EVL: variants seen among roughly 807,000 people sequenced by gnomAD.
EVL encodes Enah/Vasp-like, also known as ena/VASP-like protein.
Under a neutral mutation model 59.6 loss-of-function variants are expected in EVL, and 21 were observed. That is an observed-to-expected ratio of 0.35 (90% CI 0.25 to 0.51). The LOEUF (loss-of-function observed/expected upper bound fraction) is 0.51. Ranked by LOEUF, EVL falls within the 20% of genes least tolerant of loss-of-function variation. The probability of loss-of-function intolerance (pLI) is 0.97; values close to 1 mark genes in which losing one functional copy is unlikely to be tolerated. For synonymous variants in EVL, 198 were observed against 203.5 expected (o/e 0.97, Z 0.23); for missense variants, 462 against 546.6 (o/e 0.85, Z 1.54).
At position 100,034,563 on chromosome 14, in the gene EVL, C is replaced by A. The variant is rs1003427394; in HGVS notation, c.6-50124C>A. Among the ~76,000 whole-genome samples the A allele has an allele frequency of 7.3e-5, 9 of 122,618 alleles. 1 individual carries two copies. Among genetic ancestry groups the A allele is most frequent in the African/African-American group, 2.3e-4 (9 of 39,100 alleles). The allele number at this position is 122,618 out of a possible 152,430, so 80.4% of individuals were successfully genotyped here. A position where few individuals can be genotyped will look rare whatever the true frequency, so the allele number is the denominator to read the frequency against. On this transcript the variant is annotated intron_variant, in intron 1 of 13. Transcript: ENST00000402714. Reference sequence around the variant, plus strand: ...CAAGGAGTTTGAGACCAGAGCAAGACCCTGTCTCTACCAAAAAAAAAAAAT... The same window carrying A: ...CAAGGAGTTTGAGACCAGAGCAAGAACCTGTCTCTACCAAAAAAAAAAAAT...
At position 100,084,832 on chromosome 14, in the gene EVL, G is replaced by A; in HGVS notation, c.157G>A (p.Gly53Arg). Residue 53 changes from glycine (G) to arginine (R), a missense_variant, in exon 2 of 14, where the codon GGA (glycine) becomes AGA (arginine). Gly to Arg is a moderately radical substitution (Grantham distance 125). Coordinates refer to ENST00000392920, the MANE Select transcript of EVL (RefSeq NM_016337.3). ...TGCCAGCAACACCTTCAGAGTCGTT[G>A]GAGTCAAGTTGCAGGATCAGCAGGT... ...NTASNTFRVV[G>R]VKLQDQQVVI... 1.2e-6 allele frequency: 2 copies of A among 1,614,140 alleles called. No individual in the cohort carries two copies. Among genetic ancestry groups the A allele is most frequent in the Non-Finnish European group, 8.5e-7 (1 of 1,180,022 alleles).
At chr14:99,994,349 T>C (rs902970785) in intron 1 of EVL, among the ~76,000 whole-genome samples, 2 of 152,068 alleles carry the variant, frequency 1.3e-5, no homozygotes, top group Non-Finnish European at 2.9e-5. Flanking sequence ...GTCTCTCATT[T>C]CTTCTCTTGT....
intron 1 of EVL, among the ~76,000 whole-genome samples, chr14:100,034,496 T>C (rs2061359587): frequency 6.6e-6 from 1 of 151,780 alleles, no homozygotes; most frequent in Admixed American, 6.6e-5. Flanking sequence ...TCAAAATGAA[T>C]CCCAACACTT....
upstream of EVL, among the ~76,000 whole-genome samples, chr14:100,065,023 A>G (rs1470331846): frequency 6.6e-6 from 1 of 152,224 alleles, no homozygotes; most frequent in Admixed American, 6.5e-5. Flanking sequence ...CTTAAGGCCT[A>G]TAGGAAGTCA....
At chr14:99,998,320 C>T (rs1186883503) in intron 1 of EVL, among the ~76,000 whole-genome samples, 2 of 152,104 alleles carry the variant, frequency 1.3e-5, no homozygotes, top group African/African-American at 2.4e-5. Flanking sequence ...CTCCGCACAA[C>T]AAAATATTTA....
At chr14:99,986,004 T>C (rs908877307) in intron 1 of EVL, among the ~76,000 whole-genome samples, 2 of 150,992 alleles carry the variant, frequency 1.3e-5, no homozygotes, top group African/African-American at 4.9e-5. Flanking sequence ...CAAAATCAAA[T>C]GTATTGGCTG....
chr14:100,143,895 G>A lies in EVL; in HGVS notation c.*157G>A, dbSNP rs2140415270. The A allele has an allele frequency of 2.5e-6, 2 of 809,600 alleles. No individual in the cohort carries two copies. The highest frequency in any genetic ancestry group is 5.5e-5 in the East Asian group (2 of 36,070). The allele number at this position is 809,600 out of a possible 1,614,324, so 50.2% of individuals were successfully genotyped here. A position where few individuals can be genotyped will look rare whatever the true frequency, so the allele number is the denominator to read the frequency against. The stretch of plus-strand genomic sequence containing the variant: ...GACCTGTGATCACACATGACAGTGA[G>A]GAAACCAAGTGCAACTCCTGGGTTT... On this transcript the variant is annotated 3_prime_UTR_variant, in exon 14 of 14. Transcript: ENST00000392920.
rs1886758203 is a variant in EVL, at chr14:100,108,870, T to C, written c.358+11212T>C. Among the ~76,000 whole-genome samples the C allele has an allele frequency of 6.6e-6, 1 of 152,238 alleles. No homozygotes were observed. The highest frequency in any genetic ancestry group is 2.1e-4 in the South Asian group (1 of 4,834). ...TCCTGCTATTCCCACTGCATGAATCTAGTCAGGTTGGAAATTCAGAAAGTG... is the reference window on the plus strand; with the variant it reads ...TCCTGCTATTCCCACTGCATGAATCCAGTCAGGTTGGAAATTCAGAAAGTG... On this transcript the variant is annotated intron_variant, in intron 3 of 13. Coordinates refer to ENST00000392920, the MANE Select transcript of EVL (RefSeq NM_016337.3). The surrounding 1 kb of genome is among the most constrained non-coding windows in gnomAD (Gnocchi z 4.1).
At chr14:100,118,994 C>T (rs1887527317) in intron 3 of EVL, among the ~76,000 whole-genome samples, 1 of 152,232 alleles carries the variant, frequency 6.6e-6, no homozygotes, top group Non-Finnish European at 1.5e-5. Flanking sequence ...GGGTCTCAGC[C>T]TCTGTCCTCC....
intron 1 of EVL, among the ~76,000 whole-genome samples, chr14:100,066,815 T>C (rs746310706): frequency 2.0e-5 from 3 of 152,212 alleles, no homozygotes; most frequent in Non-Finnish European, 4.4e-5. Flanking sequence ...GAAATTTCCA[T>C]CTTGAAAAGA....
At chr14:100,029,663 C>G (rs929533440) in intron 1 of EVL, among the ~76,000 whole-genome samples, 2 of 152,118 alleles carry the variant, frequency 1.3e-5, no homozygotes, top group African/African-American at 4.8e-5. Flanking sequence ...GAGGAAGCAT[C>G]TGTGGGAGTG....
intron 3 of EVL, among the ~76,000 whole-genome samples, chr14:100,105,527 G>A (rs1270190970): frequency 6.6e-6 from 1 of 151,582 alleles, no homozygotes; most frequent in South Asian, 2.1e-4. Context: ...GCCCTTCAGG[G>A]TGCCGGGTAA....
At chr14:99,992,914 G>T (rs1255845632) in intron 1 of EVL, among the ~76,000 whole-genome samples, 1 of 152,040 alleles carries the variant, frequency 6.6e-6, no homozygotes, top group Non-Finnish European at 1.5e-5. Flanking sequence ...TATCATGAAA[G>T]GGTGTTGAAT....
At chr14:100,084,909 C>A in intron 2 of EVL, 54 bp downstream of exon 2, 2 of 1,584,408 alleles carry the variant, frequency 1.3e-6, no homozygotes, top group Non-Finnish European at 1.7e-6. Context: ...ACCTCCTCAC[C>A]GCCCACCCCT....
chr14:100,008,185 AGCCTCTGAT>A (rs1306686576), intron 1 of EVL, among the ~76,000 whole-genome samples: 1 of 152,188 alleles, frequency 6.6e-6, no homozygotes, highest in African/African-American at 2.4e-5. Flanking sequence ...TCTCTCCTCC[AGCCTCTGAT>A]GCACTAATTC....
chr14:99,999,705 C>T (rs890315805), intron 1 of EVL, among the ~76,000 whole-genome samples: 1 of 152,130 alleles, frequency 6.6e-6, no homozygotes, highest in Non-Finnish European at 1.5e-5. Context: ...TCCTTTGAGG[C>T]GCCATGGATT....
intron 1 of EVL, among the ~76,000 whole-genome samples, chr14:100,072,394 C>T (rs749109198): frequency 2.0e-5 from 3 of 152,160 alleles, no homozygotes; most frequent in Non-Finnish European, 2.9e-5. Flanking sequence ...GCCACTACAC[C>T]TGGCTAATTT....
At chr14:99,974,094 G>A (rs1003773999) in intron 1 of EVL, among the ~76,000 whole-genome samples, 3 of 151,954 alleles carry the variant, frequency 2.0e-5, no homozygotes, top group African/African-American at 7.3e-5. Flanking sequence ...TTTCTTTTTT[G>A]TAAGTTTTAT....
At chr14:100,104,581 C>T (rs992159677) in intron 3 of EVL, among the ~76,000 whole-genome samples, 5 of 152,226 alleles carry the variant, frequency 3.3e-5, no homozygotes, top group Non-Finnish European at 5.9e-5. Context: ...TTCTGCTCCT[C>T]AGAAAGTTCT....
Sources: allele counts gnomAD v4.1 joint callset (sites outside exome capture counted in the v4.1 genomes callset), GRCh38; gene constraint gnomAD v4.1.1; non-coding constraint Gnocchi (gnomAD v3.1); transcripts MANE v1.5; gene names NCBI Gene and HGNC (gene_info 2026-07-23, HGNC 2026-07-21).